The following CCSER1 variants were observed in gnomAD, a reference collection of about 807,000 sequenced individuals.
The protein encoded by CCSER1 is coiled-coil serine rich protein 1.
Under a neutral mutation model 82.0 loss-of-function variants are expected in CCSER1, and 41 were observed. The ratio of observed to expected loss-of-function variants is 0.50; its 90% confidence interval spans 0.39 to 0.65. The LOEUF (loss-of-function observed/expected upper bound fraction) is 0.65. Ranked by LOEUF, CCSER1 falls within the 30% of genes least tolerant of loss-of-function variation. The pLI is 0.00. For synonymous variants in CCSER1, 414 were observed against 383.9 expected (o/e 1.08, Z -0.92); for missense variants, 1,119 against 1,064.2 (o/e 1.05, Z -0.72).
At chr4:90,175,541 G>A (rs545772881) in intron 1 of CCSER1, among the ~76,000 whole-genome samples, 122 of 151,994 alleles carry the variant, frequency 8.0e-4, no homozygotes, top group African/African-American at 2.6e-3. Flanking sequence ...TTTGAGCGCC[G>A]ATCTGACACA....
chr4:91,110,861 C>G (rs1356959286), intron 10 of CCSER1, among the ~76,000 whole-genome samples: 1 of 148,994 alleles, frequency 6.7e-6, no homozygotes, highest in Non-Finnish European at 1.5e-5. Context: ...TTTCCTTTTG[C>G]CTTTCATATA....
At chr4:91,503,134 A>G (rs912534102) in intron 10 of CCSER1, among the ~76,000 whole-genome samples, 1 of 152,044 alleles carries the variant, frequency 6.6e-6, no homozygotes, top group Non-Finnish European at 1.5e-5. Flanking sequence ...CGAGGTCAGG[A>G]GATCGAGACC....
intron 5 of CCSER1, among the ~76,000 whole-genome samples, chr4:90,539,476 G>T (rs554103314): frequency 6.6e-6 from 1 of 152,122 alleles, no homozygotes; most frequent in South Asian, 2.1e-4. Context: ...GCTCTCATAA[G>T]ACCAAATACT....
intron 10 of CCSER1, among the ~76,000 whole-genome samples, chr4:91,095,948 A>C (rs957191028): frequency 6.6e-6 from 1 of 152,068 alleles, no homozygotes; most frequent in Non-Finnish European, 1.5e-5. Context: ...TTCACCTTTC[A>C]TCTGTGTTAA....
rs1283947938 is a variant in CCSER1, at chr4:90,263,123, G to T, written c.-41-45121G>T. ...AGTGCTGCAATAGCATCTCTGCTATGAGAAACTTCCCACCAGCGGAAAGAT... is the reference window on the plus strand; with the variant it reads ...AGTGCTGCAATAGCATCTCTGCTATTAGAAACTTCCCACCAGCGGAAAGAT... On this transcript the variant is annotated intron_variant, in intron 1 of 10. Transcript: ENST00000509176. Among the ~76,000 whole-genome samples, 5 of 152,308 alleles carry T rather than the reference G, an allele frequency of 3.3e-5. No individual in the cohort carries two copies. The East Asian group carries it at 9.7e-4, about 29-fold the overall frequency.
chr4:91,139,825 A>G (rs555302350), intron 10 of CCSER1, among the ~76,000 whole-genome samples: 292 of 152,326 alleles, frequency 1.9e-3, no homozygotes, highest in Non-Finnish European at 3.0e-3. Flanking sequence ...TGCTTCTCTG[A>G]AAACCTTTTG....
At chr4:90,420,062 T>A (rs1051060304) in intron 4 of CCSER1, among the ~76,000 whole-genome samples, 7 of 152,014 alleles carry the variant, frequency 4.6e-5, no homozygotes, top group Non-Finnish European at 8.8e-5. Context: ...AGTCTACTAA[T>A]TGAGTATGGG....
chr4:90,538,575 C>G (rs1354614961), intron 5 of CCSER1, among the ~76,000 whole-genome samples: 3 of 152,060 alleles, frequency 2.0e-5, no homozygotes, highest in Non-Finnish European at 2.9e-5. Context: ...CTCTCATAAA[C>G]TTTAGATTGA....
At chr4:91,393,197 T>G (rs1281311703) in intron 10 of CCSER1, among the ~76,000 whole-genome samples, 1 of 152,076 alleles carries the variant, frequency 6.6e-6, no homozygotes, top group Non-Finnish European at 1.5e-5. Context: ...GTATTATAAA[T>G]ATGCAGTAAA....
rs148011547 is a variant in CCSER1 at position 90,753,805 on chromosome 4, C to T, written c.2010+29814C>T. ...AGGCCTTACATGTTCTACCCCATGGCAGCTTTTCCAATCTCATCTCTGATT... is the reference window on the plus strand; with the variant it reads ...AGGCCTTACATGTTCTACCCCATGGTAGCTTTTCCAATCTCATCTCTGATT... On this transcript the variant is annotated intron_variant, in intron 7 of 10. Coordinates refer to ENST00000509176, the MANE Select transcript of CCSER1 (RefSeq NM_001145065.2). Among the ~76,000 whole-genome samples, 247 of 152,242 alleles carry T rather than the reference C, an allele frequency of 1.6e-3. 1 individual carries two copies. The highest frequency in any genetic ancestry group is 5.8e-3 in the African/African-American group (240 of 41,554).
At chr4:90,688,146 A>C (rs991754962) in intron 6 of CCSER1, among the ~76,000 whole-genome samples, 1 of 152,188 alleles carries the variant, frequency 6.6e-6, no homozygotes, top group East Asian at 1.9e-4. Context: ...GAGTCTACCT[A>C]GGCCACGTGT....
At chr4:90,191,165 G>A (rs1735539530) in intron 1 of CCSER1, among the ~76,000 whole-genome samples, 2 of 151,968 alleles carry the variant, frequency 1.3e-5, no homozygotes, top group Non-Finnish European at 2.9e-5. Flanking sequence ...AAAGGGCTGG[G>A]CAAACCTTCC....
At position 91,478,677 on chromosome 4, in the gene CCSER1, C is replaced by T. The variant is rs192999438; in HGVS notation, c.2218-119895C>T. 2.2e-3 allele frequency among the ~76,000 whole-genome samples: 330 copies of T among 151,776 alleles called. 2 individuals are homozygous for T. The highest frequency in any genetic ancestry group is 0.021 in the Middle Eastern group (6 of 292). On this transcript the variant is annotated intron_variant, in intron 10 of 10. Coordinates refer to ENST00000509176, the MANE Select transcript of CCSER1 (RefSeq NM_001145065.2). ...ATGATTTTTTTTAAATGTCAAAGTT[C>T]GAAATGGTATAACTATGGGCAGACT... is the stretch of plus-strand genomic sequence containing the variant.
chr4:91,441,143 C>T (rs1483295905), intron 10 of CCSER1, among the ~76,000 whole-genome samples: 1 of 152,052 alleles, frequency 6.6e-6, no homozygotes, highest in Non-Finnish European at 1.5e-5. Context: ...ATCCTTATAC[C>T]AAAGCCAGGC....
intron 3 of CCSER1, among the ~76,000 whole-genome samples, chr4:90,331,284 G>T (rs1739229782): frequency 6.6e-6 from 1 of 151,926 alleles, no homozygotes; most frequent in South Asian, 2.1e-4. Context: ...TAAAGAGAGT[G>T]TTAAAAAGAT....
At position 90,308,938 on chromosome 4, in the gene CCSER1, G is replaced by C. The variant is rs1734822491; in HGVS notation, c.654G>C (p.Glu218Asp). The C allele has an allele frequency of 1.2e-6, 2 of 1,613,856 alleles. No individual in the cohort carries two copies. The highest frequency in any genetic ancestry group is 1.1e-5 in the South Asian group (1 of 91,076). ...EFSLEVTQYQ[E>D]REPVLVRASP... ...CATTGGAAGTTACACAGTACCAAGAGAGAGAACCTGTATTAGTAAGAGCTT... is the reference window on the plus strand; with the variant it reads ...CATTGGAAGTTACACAGTACCAAGACAGAGAACCTGTATTAGTAAGAGCTT... Residue 218 changes from glutamate (E) to aspartate (D), a missense_variant, in exon 2 of 11, where the codon GAG (glutamate) becomes GAC (aspartate). Physicochemically the swap from Glu to Asp is conservative, Grantham distance 45. Transcript: ENST00000509176.
At chr4:90,892,819 G>A (rs1723147245) in intron 8 of CCSER1, among the ~76,000 whole-genome samples, 2 of 151,922 alleles carry the variant, frequency 1.3e-5, no homozygotes, top group African/African-American at 4.8e-5. Flanking sequence ...ATTTCGCCTT[G>A]TGTTCTCTTC....
At chr4:91,309,023 C>T (rs1745262288) in intron 10 of CCSER1, among the ~76,000 whole-genome samples, 1 of 151,964 alleles carries the variant, frequency 6.6e-6, no homozygotes, top group Non-Finnish European at 1.5e-5. Flanking sequence ...TTTTTAAGGA[C>T]ACTTTTTGTA....
At chr4:91,587,887 AT>A (rs760515042) in intron 10 of CCSER1, among the ~76,000 whole-genome samples, 11 of 151,724 alleles carry the variant, frequency 7.3e-5, no homozygotes, top group Admixed American at 2.0e-4. Flanking sequence ...AAATCAAGGT[AT>A]TAAAATACAT....
Sources: allele counts gnomAD v4.1 joint callset (sites outside exome capture counted in the v4.1 genomes callset), GRCh38; gene constraint gnomAD v4.1.1; transcripts MANE v1.5; gene names NCBI Gene and HGNC (gene_info 2026-07-23, HGNC 2026-07-21).